KLHL29: variants seen among roughly 807,000 people sequenced by gnomAD.
KLHL29 encodes kelch-like protein 29.
A neutral mutation model predicts 80.4 loss-of-function variants in KLHL29; 21 were observed. The observed-to-expected ratio is 0.26, with a 90% confidence interval of 0.19 to 0.38. The LOEUF (loss-of-function observed/expected upper bound fraction) is 0.38. Among genes scored for constraint, KLHL29 ranks in the 10% least tolerant of loss-of-function variants. The pLI is 1.00. For synonymous variants in KLHL29, 511 were observed against 526.8 expected (o/e 0.97, Z 0.41); for missense variants, 867 against 1,223.9 (o/e 0.71, Z 4.35).
intron 5 of KLHL29, among the ~76,000 whole-genome samples, chr2:23,649,489 G>T (rs10174898): frequency 1.3e-5 from 2 of 152,242 alleles, no homozygotes; most frequent in East Asian, 1.9e-4. Flanking sequence ...GAAAGATGCC[G>T]CAGAGGCCGC....
chr2:23,571,383 C>T lies in KLHL29; in HGVS notation c.285+8902C>T, dbSNP rs577314750. Among the ~76,000 whole-genome samples the T allele has an allele frequency of 5.3e-5, 8 of 152,336 alleles. No homozygotes were observed. In the East Asian group the frequency reaches 1.4e-3, roughly 26 times the overall value. ...GTGGTCTGTAGTGGGCATTGCTGCC[C>T]ATTTGCCCAACGTTCATTTTCTCTC... On this transcript the variant is annotated intron_variant, in intron 3 of 13. Transcript: ENST00000486442.
At chr2:23,434,576 G>A (rs983452485) in intron 1 of KLHL29, among the ~76,000 whole-genome samples, 4 of 152,180 alleles carry the variant, frequency 2.6e-5, no homozygotes, top group African/African-American at 9.7e-5. Context: ...TTGTAGACGG[G>A]AAGAAAGAAA....
At chr2:23,664,151 A>C (rs1195123347) in intron 5 of KLHL29, among the ~76,000 whole-genome samples, 1 of 152,188 alleles carries the variant, frequency 6.6e-6, no homozygotes, top group African/African-American at 2.4e-5. Flanking sequence ...CCGTAATGCC[A>C]CTTAATAGAG....
intron 2 of KLHL29, among the ~76,000 whole-genome samples, chr2:23,524,698 G>T (rs964386331): frequency 6.6e-6 from 1 of 152,212 alleles, no homozygotes; most frequent in Non-Finnish European, 1.5e-5. Context: ...ACCCTTTCCA[G>T]TGCTGTGCAT....
intron 2 of KLHL29, among the ~76,000 whole-genome samples, chr2:23,510,168 G>T (rs1665726032): frequency 6.6e-6 from 1 of 152,110 alleles, no homozygotes; most frequent in East Asian, 1.9e-4. Context: ...TCAGTGACAG[G>T]GGAGTTTGCT....
At chr2:23,630,126 C>A (rs1489324345) in intron 3 of KLHL29, among the ~76,000 whole-genome samples, 1 of 152,220 alleles carries the variant, frequency 6.6e-6, no homozygotes, top group African/African-American at 2.4e-5. Context: ...GGTGGTTTCA[C>A]TGAAGTGCTG....
chr2:23,651,711 A>T (rs1670093029), intron 5 of KLHL29, among the ~76,000 whole-genome samples: 1 of 152,194 alleles, frequency 6.6e-6, no homozygotes, highest in Admixed American at 6.5e-5. Flanking sequence ...AACAACAGAA[A>T]TGTATTTTCT....
intron 3 of KLHL29, among the ~76,000 whole-genome samples, chr2:23,580,958 C>T (rs964289113): frequency 1.3e-5 from 2 of 152,178 alleles, no homozygotes; most frequent in South Asian, 4.1e-4. Context: ...AGCCTGGTGA[C>T]ACAGCAAGAC....
chr2:23,557,694 A>G (rs1343881745), intron 2 of KLHL29, among the ~76,000 whole-genome samples: 1 of 152,070 alleles, frequency 6.6e-6, no homozygotes, highest in Non-Finnish European at 1.5e-5. Context: ...CCTGATCCCA[A>G]GCACATCTAG....
At chr2:23,417,256 A>T (rs1329918603) in intron 1 of KLHL29, among the ~76,000 whole-genome samples, 25 of 152,002 alleles carry the variant, frequency 1.6e-4, no homozygotes, top group Admixed American at 1.6e-3. Flanking sequence ...TTCATTCTCC[A>T]TCCAGAGCCA....
intron 2 of KLHL29, among the ~76,000 whole-genome samples, chr2:23,484,970 G>A (rs776550671): frequency 1.5e-4 from 23 of 152,096 alleles, no homozygotes; most frequent in Non-Finnish European, 2.5e-4. Flanking sequence ...GGCCGCCCCC[G>A]AGGGAATTCT....
chr2:23,638,108 T>C (rs376047625), intron 3 of KLHL29, among the ~76,000 whole-genome samples: 1 of 74,948 alleles, frequency 1.3e-5, no homozygotes, highest in African/African-American at 4.8e-5. Context: ...AAAAGACAAA[T>C]ACAGAAAAGT....
At chr2:23,419,785 C>T (rs1422042892) in intron 1 of KLHL29, among the ~76,000 whole-genome samples, 2 of 152,110 alleles carry the variant, frequency 1.3e-5, no homozygotes, top group African/African-American at 4.8e-5. Flanking sequence ...GCTGGTCTCT[C>T]AGCCTGGCCT....
In KLHL29 at chr2:23,403,853, T is replaced by C. The variant is rs536080892; in HGVS notation, c.-154+18073T>C. Reference sequence around the variant, plus strand: ...AAGAGCGTGTGTGCGTGTGTGTGCATATGTGTTTGCATTTGAGGAGGGAGG... The same window carrying C: ...AAGAGCGTGTGTGCGTGTGTGTGCACATGTGTTTGCATTTGAGGAGGGAGG... On this transcript the variant is annotated intron_variant, in intron 1 of 13. Coordinates refer to ENST00000486442, the MANE Select transcript of KLHL29 (RefSeq NM_052920.2). Among the ~76,000 whole-genome samples, 292 of 152,056 alleles carry C rather than the reference T, an allele frequency of 1.9e-3. 1 individual carries two copies. Among genetic ancestry groups the C allele is most frequent in the Non-Finnish European group, 1.4e-3 (93 of 67,978 alleles).
chr2:23,438,462 CTTA>C (rs1477874712), intron 1 of KLHL29, among the ~76,000 whole-genome samples: 1 of 135,040 alleles, frequency 7.4e-6, no homozygotes, highest in Non-Finnish European at 1.6e-5. Context: ...ATAGATAGCT[CTTA>C]TTATTTTGAG....
At chr2:23,532,331 A>C (rs576415817) in intron 2 of KLHL29, among the ~76,000 whole-genome samples, 337 of 152,362 alleles carry the variant, frequency 2.2e-3, no homozygotes, top group Non-Finnish European at 3.9e-3. Flanking sequence ...CCTGCAGTAC[A>C]TAGACAACAC....
intron 2 of KLHL29, among the ~76,000 whole-genome samples, chr2:23,543,222 A>G (rs1187633078): frequency 2.0e-5 from 3 of 152,138 alleles, no homozygotes; most frequent in East Asian, 3.9e-4. Flanking sequence ...TCGCACACAC[A>G]TTCTGCACAT....
In KLHL29 at chr2:23,697,395, C is replaced by CCGT; in HGVS notation, c.2105+884_2105+886dup. The CCGT allele has an allele frequency of 2.0e-5, 3 of 152,342 alleles. No individual in the cohort carries two copies. In the Middle Eastern group the frequency reaches 0.01, roughly 518 times the overall value. The allele number at this position is 152,342 out of a possible 1,614,324, so 9.4% of individuals were successfully genotyped here. ...GAGAAACTAGTGCCTGGAGGGTAAC[C>CCGT]CGTCAGGCTGACCTGGCCCAAAGCA... On this transcript the variant is annotated intron_variant, in intron 11 of 13. Transcript: ENST00000486442.
At chr2:23,393,800 G>A (rs914869352) in intron 1 of KLHL29, among the ~76,000 whole-genome samples, 1 of 152,192 alleles carries the variant, frequency 6.6e-6, no homozygotes, top group Non-Finnish European at 1.5e-5. Flanking sequence ...CAGTGCCTGG[G>A]ATCTGGACCA....
Sources: allele counts gnomAD v4.1 joint callset (sites outside exome capture counted in the v4.1 genomes callset), GRCh38; gene constraint gnomAD v4.1.1; transcripts MANE v1.5; gene names NCBI Gene and HGNC (gene_info 2026-07-23, HGNC 2026-07-21).